MRPS31: variants seen among roughly 807,000 people sequenced by gnomAD.
MRPS31 encodes small ribosomal subunit protein mS31.
MRPS31 carries 32 observed loss-of-function variants against 43.1 expected under a neutral mutation model. The observed-to-expected ratio is 0.74, with a 90% CI of 0.56 to 1.00. MRPS31 has a LOEUF of 1.00. Ranked by LOEUF, MRPS31 falls within the 50% of genes least tolerant of loss-of-function variation. The pLI, the probability that MRPS31 is intolerant of heterozygous loss-of-function variation, is 0.00. For synonymous variants in MRPS31, 165 were observed against 161.6 expected (o/e 1.02, Z -0.16); for missense variants, 437 against 466.7 (o/e 0.94, Z 0.59).
intron 5 of MRPS31, 27 bp from the exon 6 acceptor site, chr13:40,749,308 C>A (rs1880325404): frequency 6.6e-7 from 1 of 1,510,286 alleles, no homozygotes; most frequent in Non-Finnish European, 8.8e-7. Context: ...TTTTAGATAA[C>A]AACAAGTCAA....
At chr13:40,735,537 C>G (rs1026264185) in intron 6 of MRPS31, among the ~76,000 whole-genome samples, 2 of 152,080 alleles carry the variant, frequency 1.3e-5, no homozygotes, top group African/African-American at 4.8e-5. Context: ...CCCTGTCTGA[C>G]AGCTTTGAAG....
At chr13:40,769,384 ATATATAT>A (rs1391107736) in intron 1 of MRPS31, among the ~76,000 whole-genome samples, 1 of 35,490 alleles carries the variant, frequency 2.8e-5, no homozygotes, top group Admixed American at 2.1e-4. Context: ...ATATATATAT[ATATATAT>A]ATATATATAT....
At chr13:40,729,720 C>T in intron 6 of MRPS31, 119 bp from the exon 7 acceptor site, 1 of 698,794 alleles carries the variant, frequency 1.4e-6, no homozygotes, top group Non-Finnish European at 2.3e-6. Context: ...TGGAGTTAGA[C>T]CTAGGTTGCA....
chr13:40,729,346 T>A lies in MRPS31; in HGVS notation c.*26A>T, dbSNP rs955585752. The A allele has an allele frequency of 2.6e-6, 3 of 1,149,522 alleles. No individual in the cohort carries two copies. The highest frequency in any genetic ancestry group is 1.3e-6 in the Non-Finnish European group (1 of 797,590). 71.2% of individuals were successfully genotyped at this position (1,149,522 alleles called of 1,614,324 possible). ...TTTAGTTGTAATATCCATCTCTAAT[T>A]GTTTGAAATAAAAATTTCCATGGTC... On this transcript the variant is annotated 3_prime_UTR_variant, in exon 7 of 7. Coordinates refer to ENST00000323563, the MANE Select transcript of MRPS31 (RefSeq NM_005830.4).
intron 5 of MRPS31, among the ~76,000 whole-genome samples, chr13:40,750,920 A>G (rs1200035202): frequency 6.8e-6 from 1 of 147,066 alleles, no homozygotes; most frequent in Admixed American, 6.7e-5. Context: ...TCCTAGGAAC[A>G]GTTTCCGGGT....
rs1490578619 is a variant in MRPS31, at chr13:40,767,295, T to C, written c.153-262A>G. On this transcript the variant is annotated intron_variant, in intron 1 of 6. Transcript: ENST00000323563. ...GCCTCAACCTCCCGAGCAGCTAGGA[T>C]TGTAGGCATGTGCCACCATGCCCAG... Among the ~76,000 whole-genome samples, 3 of 152,124 alleles carry C rather than the reference T, an allele frequency of 2.0e-5. No homozygotes were observed. The East Asian group carries it at 5.8e-4, about 29-fold the overall frequency.
intron 4 of MRPS31, 63 bp downstream of exon 4, chr13:40,756,810 A>G: frequency 6.4e-7 from 1 of 1,557,562 alleles, no homozygotes; most frequent in African/African-American, 1.4e-5. Flanking sequence ...AATAAGGTAA[A>G]TCTACAGTTA....
rs1880863229 is a variant in MRPS31, at chr13:40,766,892, G to A, written c.294C>T (p.Asp98=). 1 of 1,614,054 alleles carries A rather than the reference G, an allele frequency of 6.2e-7. No homozygotes were observed. Among genetic ancestry groups the A allele is most frequent in the Non-Finnish European group, 8.5e-7 (1 of 1,179,998 alleles). The change falls in exon 2 of 7, where the codon GAC becomes GAT. Residue 98 remains aspartate (D), a synonymous_variant. Transcript: ENST00000323563. ...QDSEKENTKK[D]LLGIIKGMKV... is the part of the protein sequence containing the mutation. Reference sequence around the variant, plus strand: ...TCATGCCCTTAATAATGCCTAACAAGTCTTTTTTCGTATTTTCCTTTTCAC... The same window carrying A: ...TCATGCCCTTAATAATGCCTAACAAATCTTTTTTCGTATTTTCCTTTTCAC...
chr13:40,736,291 G>C lies in MRPS31; in HGVS notation c.959-6690C>G, dbSNP rs549625499. Among the ~76,000 whole-genome samples, 42 of 152,220 alleles carry C rather than the reference G, an allele frequency of 2.8e-4. No homozygotes were observed. The South Asian group carries it at 8.7e-3, about 32-fold the overall frequency. ...AAATATGGGACTATGTGAAAAGACCGAATCTACGTCTGATTGGTGTACCTG... is the reference window on the plus strand; with the variant it reads ...AAATATGGGACTATGTGAAAAGACCCAATCTACGTCTGATTGGTGTACCTG... On this transcript the variant is annotated intron_variant, in intron 6 of 6. Transcript: ENST00000323563.
intron 6 of MRPS31, among the ~76,000 whole-genome samples, chr13:40,743,892 C>T (rs1269940243): frequency 9.2e-5 from 14 of 152,180 alleles, no homozygotes; most frequent in Admixed American, 9.2e-4. Flanking sequence ...CATAAAGATA[C>T]ATGCATATGT....
At chr13:40,755,266 T>C (rs1447009219) in intron 4 of MRPS31, among the ~76,000 whole-genome samples, 3 of 152,214 alleles carry the variant, frequency 2.0e-5, no homozygotes, top group Non-Finnish European at 2.9e-5. Context: ...TTCAGTGCCT[T>C]GCATTCTTCT....
At chr13:40,757,250 CGTAA>C (rs555777819) in intron 3 of MRPS31, among the ~76,000 whole-genome samples, 304 of 152,134 alleles carry the variant, frequency 2.0e-3, no homozygotes, top group African/African-American at 6.7e-3. Flanking sequence ...TCATTTAAAA[CGTAA>C]GTGTCTCATG....
intron 6 of MRPS31, among the ~76,000 whole-genome samples, chr13:40,746,792 A>G (rs556649551): frequency 4.5e-4 from 69 of 152,362 alleles, no homozygotes; most frequent in African/African-American, 1.5e-3. Context: ...TACAGTATAC[A>G]ATGGAAAACA....
intron 1 of MRPS31, among the ~76,000 whole-genome samples, chr13:40,769,421 T>TATATATATATATATA (rs10684050): frequency 8.3e-6 from 1 of 120,110 alleles, no homozygotes; most frequent in Non-Finnish European, 1.7e-5. Flanking sequence ...TATATATATA[T>TATATATATATATATA]TATCAAGTTC....
intron 5 of MRPS31, among the ~76,000 whole-genome samples, chr13:40,751,344 C>T (rs1880385737): frequency 6.6e-6 from 1 of 152,188 alleles, no homozygotes; most frequent in Admixed American, 6.5e-5. Flanking sequence ...TAAATATGTA[C>T]TATGTTCCAG....
At chr13:40,758,882 T>G in intron 3 of MRPS31, 66 bp downstream of exon 3, 1 of 1,399,524 alleles carries the variant, frequency 7.1e-7, no homozygotes, top group Admixed American at 2.5e-5. Flanking sequence ...TATTACTCAC[T>G]AGCCATATGA....
chr13:40,768,803 G>A (rs1275248210), intron 1 of MRPS31, among the ~76,000 whole-genome samples: 1 of 152,188 alleles, frequency 6.6e-6, no homozygotes, highest in Non-Finnish European at 1.5e-5. Flanking sequence ...ACTCCCAGGT[G>A]ACGCTAACGC....
chr13:40,769,290 C>T (rs1173253573), intron 1 of MRPS31, among the ~76,000 whole-genome samples: 2 of 148,730 alleles, frequency 1.3e-5, no homozygotes, highest in East Asian at 2.0e-4. Flanking sequence ...GCAGAAGAAT[C>T]GCTTGAACCC....
At chr13:40,760,138 A>G (rs1880652403) in intron 2 of MRPS31, among the ~76,000 whole-genome samples, 1 of 150,374 alleles carries the variant, frequency 6.7e-6, no homozygotes, top group African/African-American at 2.5e-5. Flanking sequence ...CTCTGTCAAA[A>G]AAAAAAAAAA....
Sources: gnomAD v4.1 joint callset for allele counts (sites outside exome capture counted in the v4.1 genomes callset) on GRCh38, gnomAD v4.1.1 for gene constraint, MANE v1.5 for transcripts, NCBI Gene and HGNC (gene_info 2026-07-23, HGNC 2026-07-21) for gene names.